The following UGT1A10 variants were observed in gnomAD, a reference collection of about 807,000 sequenced individuals.
The protein encoded by UGT1A10 is UDP glucuronosyltransferase family 1 member A10, also known as UDP-glucuronosyltransferase 1A10.
A neutral mutation model predicts 45.8 loss-of-function variants in UGT1A10; 49 were observed. The observed-to-expected ratio is 1.07, with a 90% CI of 0.85 to 1.36. The LOEUF (loss-of-function observed/expected upper bound fraction) is 1.36. Among genes scored for constraint, UGT1A10 ranks in the 40% most tolerant of loss-of-function variants. The pLI is 0.00. For synonymous variants in UGT1A10, 284 were observed against 249.7 expected, an observed-to-expected ratio of 1.14 and a Z score of -1.29; for missense variants, 745 against 668.6, an observed-to-expected ratio of 1.11 and a Z score of -1.26.
rs1165153484 is a variant in UGT1A10 at position 233,672,570 on chromosome 2, G to A, written c.855+35193G>A. 3 of 1,613,830 alleles carry A rather than the reference G, an allele frequency of 1.9e-6. No homozygotes were observed. In the African/African-American group the frequency reaches 4.0e-5, roughly 22 times the overall value. On this transcript the variant is annotated intron_variant, in intron 1 of 4. Transcript: ENST00000344644. The stretch of plus-strand genomic sequence containing the variant: ...AGGAGAGAGTACGGAACCACATCAT[G>A]CACTTGGAGGAACATTTATTATGCC...
intron 1 of UGT1A10, chr2:233,692,815 A>T: frequency 7.0e-7 from 1 of 1,427,232 alleles, no homozygotes; most frequent in East Asian, 2.6e-5. Context: ...GTTGGTTCAT[A>T]TTAACCATGT....
At chr2:233,719,521 T>C in intron 1 of UGT1A10, 1 of 1,613,998 alleles carries the variant, frequency 6.2e-7, no homozygotes, top group Non-Finnish European at 8.5e-7. Flanking sequence ...TATGCAAGTC[T>C]TGCCTCTGAG....
chr2:233,650,073 C>A (rs28969991), intron 1 of UGT1A10, among the ~76,000 whole-genome samples: 5 of 152,018 alleles, frequency 3.3e-5, no homozygotes, highest in East Asian at 1.9e-4. Context: ...TGGGTTCAAG[C>A]GATTCACCTG....
chr2:233,693,699 T>A, intron 1 of UGT1A10: 1 of 1,614,240 alleles, frequency 6.2e-7, no homozygotes, highest in Non-Finnish European at 8.5e-7. Flanking sequence ...TATGAAGAAC[T>A]CGCATCAGCT....
intron 1 of UGT1A10, chr2:233,743,933 G>T (rs1319527828): frequency 7.4e-7 from 1 of 1,357,046 alleles, no homozygotes; most frequent in African/African-American, 1.5e-5. Context: ...TGGCCAGAAC[G>T]GCCCACCAGG....
intron 1 of UGT1A10, among the ~76,000 whole-genome samples, chr2:233,674,911 C>T (rs965291552): frequency 6.6e-6 from 1 of 152,166 alleles, no homozygotes; most frequent in Non-Finnish European, 1.5e-5. Flanking sequence ...GTTTCAGATG[C>T]CAGGATGTGT....
intron 1 of UGT1A10, among the ~76,000 whole-genome samples, chr2:233,733,410 G>A (rs1464180881): frequency 6.6e-6 from 1 of 152,160 alleles, no homozygotes; most frequent in Non-Finnish European, 1.5e-5. Flanking sequence ...AATGCTTCCA[G>A]TTTTCGCCTA....
chr2:233,772,131 CAAT>C, intron 4 of UGT1A10, 128 bp from the exon 5 acceptor site: 4 of 1,543,198 alleles, frequency 2.6e-6, no homozygotes, highest in Middle Eastern at 2.3e-4. Flanking sequence ...ACAACAACAA[CAAT>C]AATAGAAACA....
chr2:233,719,450 G>T, intron 1 of UGT1A10: 1 of 1,613,868 alleles, frequency 6.2e-7, no homozygotes, highest in Non-Finnish European at 8.5e-7. Flanking sequence ...TCCTGCAAAG[G>T]GTCAAGAACA....
At chr2:233,766,838 C>A (rs906628829) in intron 1 of UGT1A10, among the ~76,000 whole-genome samples, 196 bp from the exon 2 acceptor site, 7 of 152,156 alleles carry the variant, frequency 4.6e-5, no homozygotes, top group African/African-American at 1.7e-4. Context: ...TAAGCAGGAA[C>A]CCTTCCTCCT....
intron 1 of UGT1A10, among the ~76,000 whole-genome samples, chr2:233,761,774 C>T (rs1257781750): frequency 1.3e-5 from 2 of 152,222 alleles, no homozygotes; most frequent in Non-Finnish European, 2.9e-5. Context: ...GCATTCACAT[C>T]CTCATCGAAA....
rs1028823487 is a variant in UGT1A10 at position 233,637,321 on chromosome 2, C to T, written c.799C>T (p.Pro267Ser). The T allele has an allele frequency of 1.9e-6, 3 of 1,613,916 alleles. No individual in the cohort carries two copies. The Admixed American group carries it at 5.0e-5, about 27-fold the overall frequency. ...FVLDYPKPVM[P>S]NMIFIGGINC... is the part of the protein sequence containing the mutation. ...TTTGGACTATCCCAAACCCGTGATG[C>T]CCAACATGATCTTCATTGGTGGTAT... is the stretch of plus-strand genomic sequence containing the variant. Residue 267 changes from proline (P) to serine (S), a missense_variant, in exon 1 of 5, where the codon CCC becomes TCC. Coordinates refer to ENST00000344644, the MANE Select transcript of UGT1A10 (RefSeq NM_019075.4).
chr2:233,707,287 A>G (rs1559355185), intron 1 of UGT1A10, among the ~76,000 whole-genome samples: 1 of 152,088 alleles, frequency 6.6e-6, no homozygotes, highest in Non-Finnish European at 1.5e-5. Context: ...CAGGGCACAC[A>G]TGCAGGATGT....
intron 1 of UGT1A10, among the ~76,000 whole-genome samples, chr2:233,658,517 C>T (rs1048507350): frequency 3.0e-4 from 45 of 152,278 alleles, no homozygotes; most frequent in African/African-American, 1.1e-3. Context: ...TCTCCTGTAC[C>T]GTGTGACAGT....
intron 1 of UGT1A10, chr2:233,755,866 T>C (rs1696048647): frequency 6.6e-6 from 1 of 152,244 alleles, no homozygotes; most frequent in Non-Finnish European, 1.5e-5. Context: ...CATGACACAC[T>C]AACAAACCTT....
At chr2:233,664,411 T>C (rs1275182120) in intron 1 of UGT1A10, among the ~76,000 whole-genome samples, 1 of 152,198 alleles carries the variant, frequency 6.6e-6, no homozygotes, top group Non-Finnish European at 1.5e-5. Context: ...ACCAATTTTC[T>C]ACCCTTCATT....
rs760844779 is a variant in UGT1A10 at position 233,772,567 on chromosome 2, G to A, written c.*8G>A. On this transcript the variant is annotated 3_prime_UTR_variant, in exon 5 of 5. Transcript: ENST00000344644. ...AAATCCAAGACCCATTGAGAAGTGG[G>A]TGGGAAATAAGGTAAAATTTTGAAC... 6.2e-7 allele frequency: 1 copy of A among 1,612,906 alleles called. No individual in the cohort carries two copies.
intron 1 of UGT1A10, among the ~76,000 whole-genome samples, chr2:233,720,841 G>C (rs529446200): frequency 2.0e-5 from 3 of 151,096 alleles, no homozygotes; most frequent in African/African-American, 7.3e-5. Context: ...GAGTAACTGG[G>C]ACTGCAGGCA....
Position 233,665,957 on chromosome 2 carries a change from G to A in UGT1A10, c.855+28580G>A, listed in dbSNP as rs371432635. Reference sequence around the variant, plus strand: ...TCACCAACACTGGATGTCTTAGTCCGTTTGCATTGCGATAAAGGAATACCT... The same window carrying A: ...TCACCAACACTGGATGTCTTAGTCCATTTGCATTGCGATAAAGGAATACCT... On this transcript the variant is annotated intron_variant, in intron 1 of 4. Coordinates refer to ENST00000344644, the MANE Select transcript of UGT1A10 (RefSeq NM_019075.4). 7.9e-5 allele frequency among the ~76,000 whole-genome samples: 12 copies of A among 152,232 alleles called. No homozygotes were observed. The South Asian group carries it at 1.9e-3, about 24-fold the overall frequency.
Sources: allele counts gnomAD v4.1 joint callset (sites outside exome capture counted in the v4.1 genomes callset), GRCh38; gene constraint gnomAD v4.1.1; transcripts MANE v1.5; gene names NCBI Gene and HGNC (gene_info 2026-07-23, HGNC 2026-07-21).